Variants in CDK5RAP3 observed in about 807,000 individuals in gnomAD.
CDK5RAP3 encodes CDK5 regulatory subunit-associated protein 3.
In CDK5RAP3, 58 loss-of-function variants were observed where a neutral mutation model predicts 73.3. That is an observed-to-expected ratio of 0.79 (90% CI 0.64 to 0.98). The LOEUF (loss-of-function observed/expected upper bound fraction) is 0.98, where lower values mean the gene tolerates loss of function less well. Among genes scored for constraint, CDK5RAP3 ranks in the 50% least tolerant of loss-of-function variants. The pLI is 0.00. For missense variants in CDK5RAP3, 525 were observed against 615.8 expected, an observed-to-expected ratio of 0.85 and a Z score of 1.56; for synonymous variants, 224 against 247.5, an observed-to-expected ratio of 0.91 and a Z score of 0.89.
At chr17:47,973,781 A>G in intron 3 of CDK5RAP3, 131 bp downstream of exon 3, 1 of 1,282,554 alleles carries the variant, frequency 7.8e-7, no homozygotes, top group Non-Finnish European at 1.1e-6. Context: ...TGAGGTATAG[A>G]TGCTGGCTTC....
In CDK5RAP3 at chr17:47,971,382, C is replaced by A. The variant is rs767547688; in HGVS notation, c.27C>A (p.Ile9=). MEDHQHVP[I]DIQTSKLLDW... The stretch of plus-strand genomic sequence containing the variant: ...GCCAGGACCATCAGCACGTGCCCAT[C>A]GACATCCAGACCAGCAAGCTGCTCG... The change falls in exon 2 of 14, where the codon ATC becomes ATA. Residue 9 remains isoleucine (I), a synonymous_variant. Coordinates refer to ENST00000338399, the MANE Select transcript of CDK5RAP3 (RefSeq NM_176096.3). 6.2e-7 allele frequency: 1 copy of A among 1,610,204 alleles called. No homozygotes were observed. Among genetic ancestry groups the A allele is most frequent in the Non-Finnish European group, 8.5e-7 (1 of 1,178,468 alleles).
rs1163299350 is a variant in CDK5RAP3 at position 47,980,580 on chromosome 17, C to T, written c.1078-13C>T. On this transcript the variant is annotated splice_polypyrimidine_tract_variant and intron_variant, in intron 11 of 13. Coordinates refer to ENST00000338399, the MANE Select transcript of CDK5RAP3 (RefSeq NM_176096.3). ...TCATGTACAGCCTGAACCAATCTTT[C>T]TTCTGTCCTCAGCTTGAGATCTTCT... 1.1e-5 allele frequency: 18 copies of T among 1,611,536 alleles called. No homozygotes were observed. Among genetic ancestry groups the T allele is most frequent in the Non-Finnish European group, 1.5e-5 (18 of 1,179,336 alleles).
upstream of CDK5RAP3, chr17:47,970,873 C>T (rs1323975116): frequency 5.7e-6 from 8 of 1,415,426 alleles, no homozygotes; most frequent in Admixed American, 4.6e-5. Context: ...CGCTGCAGCG[C>T]ACCCCCTCCC....
intron 9 of CDK5RAP3, 41 bp downstream of exon 9, chr17:47,976,863 T>C (rs763059360): frequency 7.9e-7 from 1 of 1,270,366 alleles, no homozygotes; most frequent in East Asian, 2.4e-5. Flanking sequence ...TGATCACTAC[T>C]CTAACCATAA....
chr17:47,981,388 T>G (rs1224549214), intron 13 of CDK5RAP3, 49 bp from the exon 14 acceptor site: 1 of 1,614,082 alleles, frequency 6.2e-7, no homozygotes, highest in Non-Finnish European at 8.5e-7. Flanking sequence ...CTGTGCAAAA[T>G]GAGGCCCTGA....
At position 47,974,439 on chromosome 17, in the gene CDK5RAP3, A is replaced by G; in HGVS notation, c.325A>G (p.Thr109Ala). 6.2e-7 allele frequency: 1 copy of G among 1,614,190 alleles called. No individual in the cohort carries two copies. The change falls in exon 5 of 14, where the codon ACC becomes GCC. Residue 109 changes from threonine to alanine, a missense_variant. By Grantham distance (58) the Thr-to-Ala change is moderately conservative. Around this residue, in one of 2 missense-constraint regions of CDK5RAP3, gnomAD observed 409 missense variants for 429.8 expected, o/e 0.95. Transcript: ENST00000338399. ...TATAGCTCTGTATGAGAAGGACAAC[A>G]CCTACTTAGGTAAAGTGGCCCGGCC... ...EIIALYEKDN[T>A]YLVELSSLLV...
intron 2 of CDK5RAP3, 117 bp from the exon 3 acceptor site, chr17:47,973,402 T>A: frequency 8.4e-7 from 1 of 1,185,432 alleles, no homozygotes. Context: ...ATGACCCCCA[T>A]ACTTTAACCA....
chr17:47,971,675 AAC>A (rs2036272073), intron 2 of CDK5RAP3, among the ~76,000 whole-genome samples: 1 of 152,152 alleles, frequency 6.6e-6, no homozygotes, highest in South Asian at 2.1e-4. Flanking sequence ...TCGCTTTAAA[AAC>A]AGTCAACCAC....
intron 10 of CDK5RAP3, chr17:47,978,590 G>A (rs892149271): frequency 5.8e-6 from 3 of 514,022 alleles, no homozygotes; most frequent in Admixed American, 3.3e-5. Context: ...CAGAGAGCCG[G>A]CCTTTCTACC....
chr17:47,975,043 T>C, intron 5 of CDK5RAP3, 116 bp from the exon 6 acceptor site: 1 of 1,605,122 alleles, frequency 6.2e-7, no homozygotes. Context: ...TGGGAACAAG[T>C]GGGGCTGGGA....
intron 10 of CDK5RAP3, chr17:47,978,488 A>AC: frequency 3.7e-6 from 1 of 271,504 alleles, no homozygotes; most frequent in Non-Finnish European, 7.1e-6. Context: ...GTGTGACATG[A>AC]CCCCCGCCCC....
At chr17:47,979,147 ACAGT>A (rs745698565) in intron 11 of CDK5RAP3, 1 of 521,502 alleles carries the variant, frequency 1.9e-6, no homozygotes, top group Non-Finnish European at 3.4e-6. Flanking sequence ...GGTGAATAAG[ACAGT>A]CAAAGTCCTT....
upstream of CDK5RAP3, chr17:47,970,717 G>A: frequency 6.5e-7 from 1 of 1,535,622 alleles, no homozygotes; most frequent in East Asian, 2.4e-5. Context: ...CGCAAGGAGG[G>A]AAGAAGGTAT....
chr17:47,979,053 C>T (rs765352966), intron 11 of CDK5RAP3, 136 bp downstream of exon 11: 44 of 670,028 alleles, frequency 6.6e-5, no homozygotes, highest in Non-Finnish European at 1.0e-4. Flanking sequence ...AGGAGCCTCA[C>T]GTATTAGATG....
chr17:47,975,484 G>T, intron 6 of CDK5RAP3, 30 bp from the exon 7 acceptor site: 1 of 1,609,814 alleles, frequency 6.2e-7, no homozygotes, highest in South Asian at 1.1e-5. Flanking sequence ...TCTTCAATCT[G>T]TTGGACTCCA....
intron 8 of CDK5RAP3, among the ~76,000 whole-genome samples, chr17:47,976,307 T>C (rs2036410831): frequency 6.6e-6 from 1 of 152,172 alleles, no homozygotes; most frequent in Admixed American, 6.5e-5. Flanking sequence ...TTGAACAGTG[T>C]GCTCTCTACA....
chr17:47,968,604 G>A (rs1567720499), upstream of CDK5RAP3, among the ~76,000 whole-genome samples: 1 of 152,206 alleles, frequency 6.6e-6, no homozygotes, highest in Non-Finnish European at 1.5e-5. Context: ...TGCAACCTCC[G>A]CCTCCCGGGT....
intron 12 of CDK5RAP3, 39 bp from the exon 13 acceptor site, chr17:47,981,124 G>C: frequency 6.3e-7 from 1 of 1,585,146 alleles, no homozygotes; most frequent in Non-Finnish European, 8.6e-7. Flanking sequence ...TGCTCAGGAT[G>C]CACAGCTAAC....
intron 11 of CDK5RAP3, chr17:47,980,361 T>C (rs915852602): frequency 1.9e-6 from 1 of 531,452 alleles, no homozygotes; most frequent in Non-Finnish European, 3.4e-6. Context: ...CTCAAACTCC[T>C]GGGCTCAAGT....
Sources: allele counts gnomAD v4.1 joint callset (sites outside exome capture counted in the v4.1 genomes callset), GRCh38; gene constraint gnomAD v4.1.1; regional missense constraint gnomAD v4.1.1; transcripts MANE v1.5; gene names NCBI Gene and HGNC (gene_info 2026-07-23, HGNC 2026-07-21).